The following APPBP2 variants were observed in gnomAD, a reference collection of about 807,000 sequenced individuals.
APPBP2 encodes amyloid protein-binding protein 2.
A neutral mutation model predicts 76.0 loss-of-function variants in APPBP2; 15 were observed. That is an observed-to-expected ratio of 0.20 (90% CI 0.13 to 0.30). APPBP2 has a LOEUF of 0.30. Among genes scored for constraint, APPBP2 ranks in the 10% least tolerant of loss-of-function variants. The probability of loss-of-function intolerance (pLI) is 1.00; values close to 1 mark genes in which losing one functional copy is unlikely to be tolerated. For missense variants in APPBP2, 401 were observed against 687.2 expected (o/e 0.58, Z 4.66); for synonymous variants, 222 against 242.2 (o/e 0.92, Z 0.77).
At chr17:60,485,848 T>G (rs2090672354) in intron 3 of APPBP2, among the ~76,000 whole-genome samples, 2 of 152,204 alleles carry the variant, frequency 1.3e-5, no homozygotes, top group African/African-American at 2.4e-5. Context: ...GTGCTATAAA[T>G]TTACCTCTAC....
At chr17:60,459,617 G>A (rs768281520) in intron 9 of APPBP2, 4 of 149,626 alleles carry the variant, frequency 2.7e-5, no homozygotes, top group African/African-American at 4.9e-5. Context: ...TCAGCCTCCC[G>A]AATAGCTGGG....
chr17:60,475,648 TACACACACACAC>T lies in APPBP2; in HGVS notation c.503+3488_503+3499del, dbSNP rs72415327. 9.8e-3 allele frequency among the ~76,000 whole-genome samples: 1,264 copies of T among 129,258 alleles called. 15 individuals carry two copies. Among genetic ancestry groups the T allele is most frequent in the Middle Eastern group, 0.033 (9 of 274 alleles). 84.8% of individuals were successfully genotyped at this position (129,258 alleles called of 152,430 possible). On this transcript the variant is annotated intron_variant, in intron 4 of 12. Transcript: ENST00000083182. ...CTTTCAATCCACATTCAACTCTTTA[TACACACACACAC>T]ACACACACACACACACACACACACA...
intron 4 of APPBP2, 117 bp from the exon 5 acceptor site, chr17:60,466,576 T>A: frequency 9.4e-7 from 1 of 1,069,336 alleles, no homozygotes; most frequent in Non-Finnish European, 1.3e-6. Flanking sequence ...CAAGGCAGCA[T>A]TGAAAATAAG....
At chr17:60,483,095 T>C (rs985494782) in intron 3 of APPBP2, among the ~76,000 whole-genome samples, 8 of 152,104 alleles carry the variant, frequency 5.3e-5, no homozygotes, top group Non-Finnish European at 8.8e-5. Flanking sequence ...AGCACCTGTT[T>C]CCTGATTTTT....
intron 3 of APPBP2, among the ~76,000 whole-genome samples, chr17:60,484,020 G>T (rs1426682217): frequency 6.6e-6 from 1 of 152,094 alleles, no homozygotes; most frequent in Non-Finnish European, 1.5e-5. Flanking sequence ...TGTCAGGTTT[G>T]TCAAAGATCA....
chr17:60,517,255 C>T (rs923822704), intron 1 of APPBP2, among the ~76,000 whole-genome samples: 6 of 152,112 alleles, frequency 3.9e-5, no homozygotes, highest in South Asian at 4.1e-4. Flanking sequence ...GGATTACAGG[C>T]GTGAGCCACC....
At chr17:60,492,694 G>A (rs910122971) in intron 3 of APPBP2, among the ~76,000 whole-genome samples, 1 of 152,138 alleles carries the variant, frequency 6.6e-6, no homozygotes, top group African/African-American at 2.4e-5. Flanking sequence ...TTTATCCAAT[G>A]CATGTACCCC....
chr17:60,479,703 G>C (rs2090615571), intron 3 of APPBP2, among the ~76,000 whole-genome samples: 1 of 152,062 alleles, frequency 6.6e-6, no homozygotes, highest in African/African-American at 2.4e-5. Flanking sequence ...ATCCTTAATC[G>C]ATTATCTTAT....
At chr17:60,460,863 A>C (rs1004661096) in intron 8 of APPBP2, 76 bp from the exon 9 acceptor site, 1 of 1,462,306 alleles carries the variant, frequency 6.8e-7, no homozygotes. Context: ...TAGTAATTTA[A>C]ATATATATCT....
chr17:60,482,242 A>C (rs2090635670), intron 3 of APPBP2, among the ~76,000 whole-genome samples: 1 of 152,188 alleles, frequency 6.6e-6, no homozygotes, highest in Non-Finnish European at 1.5e-5. Context: ...ATAAGCATCA[A>C]ATTAAATACT....
chr17:60,525,458 C>G (rs918091601), intron 1 of APPBP2, among the ~76,000 whole-genome samples: 2 of 152,116 alleles, frequency 1.3e-5, no homozygotes, highest in Non-Finnish European at 2.9e-5. Context: ...GGAAAATATC[C>G]TGAAGATACG....
chr17:60,509,841 T>C (rs564470320), intron 1 of APPBP2, among the ~76,000 whole-genome samples: 1 of 152,190 alleles, frequency 6.6e-6, no homozygotes, highest in Admixed American at 6.6e-5. Context: ...ATCTGATGTC[T>C]AGATTTGCTT....
chr17:60,451,463 GTATTTTATTT>G (rs751175119), intron 12 of APPBP2, among the ~76,000 whole-genome samples: 4 of 151,924 alleles, frequency 2.6e-5, no homozygotes, highest in Admixed American at 2.0e-4. Flanking sequence ...AAATATTTTA[GTATTTTATTT>G]TATTTTATTT....
intron 4 of APPBP2, among the ~76,000 whole-genome samples, chr17:60,478,529 T>C (rs2090606907): frequency 6.6e-6 from 1 of 152,212 alleles, no homozygotes; most frequent in Non-Finnish European, 1.5e-5. Context: ...TTTCCGAGCA[T>C]CCAGTGTCTA....
In APPBP2 at chr17:60,447,512, T is replaced by TG. The variant is rs1567915413; in HGVS notation, c.*68dup. ...CAAATTCCAGCCCCCCAAAACAACA[T>TG]GGTTTTGATTTCACAGTATGAATTC... On this transcript the variant is annotated 3_prime_UTR_variant, in exon 13 of 13. Transcript: ENST00000083182. 3 of 1,513,592 alleles carry TG rather than the reference T, an allele frequency of 2.0e-6. No homozygotes were observed. Among genetic ancestry groups the TG allele is most frequent in the Admixed American group, 4.2e-5 (2 of 47,304 alleles). 93.8% of individuals were successfully genotyped at this position (1,513,592 alleles called of 1,614,324 possible). A position where few individuals can be genotyped will look rare whatever the true frequency, so the allele number is the denominator to read the frequency against.
rs539645238 is a variant in APPBP2, at chr17:60,461,619, TTTTC to T, written c.936+187_936+190del. On this transcript the variant is annotated intron_variant, in intron 8 of 12. Coordinates refer to ENST00000083182, the MANE Select transcript of APPBP2 (RefSeq NM_006380.5). ...ACCCAATAATTCCTTTCCTGAATGA[TTTTC>T]TTTAATTCCCAAAGCATTAACTTTT... 137 of 468,696 alleles carry T rather than the reference TTTTC, an allele frequency of 2.9e-4. No homozygotes were observed. In the South Asian group the frequency reaches 3.6e-3, roughly 12 times the overall value. The allele number at this position is 468,696 out of a possible 1,614,324, so 29.0% of individuals were successfully genotyped here.
Position 60,466,417 on chromosome 17 carries a change from A to G in APPBP2, c.546T>C (p.Gly182=), listed in dbSNP as rs1462281022. Residue 182 remains glycine (G), a synonymous_variant, in exon 5 of 13, where the codon GGT becomes GGC. Coordinates refer to ENST00000083182, the MANE Select transcript of APPBP2 (RefSeq NM_006380.5). ...VRNGNCKYHL[G]EETFKLAQTY... ...TCTGAGCTAATTTAAATGTTTCTTCACCCAAATGATATTTGCAGTTTCCAT... is the reference window on the plus strand; with the variant it reads ...TCTGAGCTAATTTAAATGTTTCTTCGCCCAAATGATATTTGCAGTTTCCAT... 2 of 1,613,430 alleles carry G rather than the reference A, an allele frequency of 1.2e-6. No homozygotes were observed. Among genetic ancestry groups the G allele is most frequent in the African/African-American group, 2.7e-5 (2 of 74,918 alleles).
intron 1 of APPBP2, among the ~76,000 whole-genome samples, chr17:60,509,019 G>T (rs2090890712): frequency 6.6e-6 from 1 of 152,182 alleles, no homozygotes; most frequent in African/African-American, 2.4e-5. Context: ...GACTCAAGAG[G>T]TGTATCAAGA....
intron 4 of APPBP2, among the ~76,000 whole-genome samples, chr17:60,472,601 T>C (rs1305123259): frequency 6.6e-6 from 1 of 152,198 alleles, no homozygotes; most frequent in Non-Finnish European, 1.5e-5. Flanking sequence ...AGGACATCAG[T>C]GTGAGAGTGT....
Sources: allele counts gnomAD v4.1 joint callset (sites outside exome capture counted in the v4.1 genomes callset), GRCh38; gene constraint gnomAD v4.1.1; transcripts MANE v1.5; gene names NCBI Gene and HGNC (gene_info 2026-07-23, HGNC 2026-07-21).